DYNC2I1: variants seen among roughly 807,000 people sequenced by gnomAD.
DYNC2I1 encodes cytoplasmic dynein 2 intermediate chain 1.
A neutral mutation model predicts 133.4 loss-of-function variants in DYNC2I1; 89 were observed. That is an observed-to-expected ratio of 0.67 (90% CI 0.56 to 0.80). The LOEUF (loss-of-function observed/expected upper bound fraction) is 0.80. Ranked by LOEUF, DYNC2I1 falls within the 30% of genes least tolerant of loss-of-function variation. The probability of loss-of-function intolerance (pLI) is 0.00; values close to 1 mark genes in which losing one functional copy is unlikely to be tolerated. For synonymous variants in DYNC2I1, 504 were observed against 484.3 expected (o/e 1.04, Z -0.54); for missense variants, 1,291 against 1,314.5 (o/e 0.98, Z 0.28).
At chr7:158,891,199 C>T in intron 7 of DYNC2I1, 66 bp from the exon 8 acceptor site, 1 of 1,568,434 alleles carries the variant, frequency 6.4e-7, no homozygotes, top group Non-Finnish European at 8.8e-7. Context: ...TGGGGGGGAG[C>T]TGCGTGGCGT....
intron 3 of DYNC2I1, among the ~76,000 whole-genome samples, 162 bp downstream of exon 3, chr7:158,871,724 G>A (rs527354094): frequency 2.0e-5 from 3 of 152,134 alleles, no homozygotes; most frequent in South Asian, 4.2e-4. Context: ...AGGCTAGAGA[G>A]CAGTGGTGCC....
At chr7:158,936,252 T>G (rs1470752095) in intron 23 of DYNC2I1, among the ~76,000 whole-genome samples, 2 of 152,168 alleles carry the variant, frequency 1.3e-5, no homozygotes, top group Non-Finnish European at 2.9e-5. Flanking sequence ...AGTGTGGAGC[T>G]CTTGAGCTTT....
At chr7:158,930,553 G>C (rs1476567739) in intron 21 of DYNC2I1, 38 bp downstream of exon 21, 1 of 1,563,274 alleles carries the variant, frequency 6.4e-7, no homozygotes, top group Non-Finnish European at 8.8e-7. Context: ...ATCTCACAAA[G>C]ACCTAGAAGG....
intron 4 of DYNC2I1, among the ~76,000 whole-genome samples, chr7:158,951,680 C>T (rs527710698): frequency 2.5e-4 from 38 of 152,286 alleles, no homozygotes; most frequent in Admixed American, 8.5e-4. Flanking sequence ...TGGTTCTTCC[C>T]GGGCTCCTCT....
intron 24 of DYNC2I1, among the ~76,000 whole-genome samples, chr7:158,942,994 GT>G (rs1851523743): frequency 6.6e-6 from 1 of 151,896 alleles, no homozygotes; most frequent in Non-Finnish European, 1.5e-5. Flanking sequence ...GTTCACCTGT[GT>G]TTTTTTTCTT....
chr7:158,856,957 G>A (rs958393014), intron 1 of DYNC2I1, among the ~76,000 whole-genome samples: 7 of 152,044 alleles, frequency 4.6e-5, no homozygotes, highest in Admixed American at 4.6e-4. Context: ...AGGACGCCGG[G>A]CTCCCGGCGG....
At chr7:158,884,480 C>A in intron 5 of DYNC2I1, 84 bp from the exon 6 acceptor site, 1 of 1,305,132 alleles carries the variant, frequency 7.7e-7, no homozygotes, top group Non-Finnish European at 1.1e-6. Flanking sequence ...TGAATCTGTG[C>A]TTGTTTTGTG....
chr7:158,892,571 A>G (rs1845336693), intron 8 of DYNC2I1, among the ~76,000 whole-genome samples: 1 of 152,052 alleles, frequency 6.6e-6, no homozygotes, highest in African/African-American at 2.4e-5. Flanking sequence ...CCTTTTGAGT[A>G]GTTGGGATCA....
In DYNC2I1 at chr7:158,887,013, CT is replaced by C. The variant is rs1488309170; in HGVS notation, c.936-5del. On this transcript the variant is annotated splice_region_variant and splice_polypyrimidine_tract_variant and intron_variant, in intron 6 of 24. Transcript: ENST00000407559. ...TAAGTTTTGATTTTGATTATGTTTG[CT>C]TTCCAGGCATGCTGAGAATTTAGTA... 6 of 1,613,364 alleles carry C rather than the reference CT, an allele frequency of 3.7e-6. No homozygotes were observed. In the African/African-American group the frequency reaches 8.0e-5, roughly 22 times the overall value.
At chr7:158,917,287 G>A (rs911631228) in intron 14 of DYNC2I1, among the ~76,000 whole-genome samples, 2 of 120,698 alleles carry the variant, frequency 1.7e-5, no homozygotes, top group African/African-American at 3.1e-5. Flanking sequence ...CGACATGCTG[G>A]TTGAAATTAA....
At chr7:158,860,984 A>T (rs1392342221) in intron 1 of DYNC2I1, among the ~76,000 whole-genome samples, 1 of 152,208 alleles carries the variant, frequency 6.6e-6, no homozygotes, top group Non-Finnish European at 1.5e-5. Context: ...TGAACTCTCC[A>T]TTCAAAGCCC....
chr7:158,902,684 C>G (rs1846367715), intron 10 of DYNC2I1, 89 bp downstream of exon 10: 3 of 1,209,510 alleles, frequency 2.5e-6, no homozygotes, highest in Non-Finnish European at 3.5e-6. Flanking sequence ...CAGGCCTACT[C>G]TAATAAGGTG....
At chr7:158,868,816 A>G (rs1405999363) in intron 1 of DYNC2I1, among the ~76,000 whole-genome samples, 1 of 152,220 alleles carries the variant, frequency 6.6e-6, no homozygotes, top group East Asian at 1.9e-4. Context: ...GAGCCTTGTG[A>G]TGCCTCACTG....
In DYNC2I1 at chr7:158,928,966, T is replaced by C. The variant is rs532390311; in HGVS notation, c.2486-1489T>C. ...CCATAGTCAGGTGATAATCCGGCTA[T>C]GGAGACAAAATCATTTTGCATAAAA... On this transcript the variant is annotated intron_variant, in intron 20 of 24. Transcript: ENST00000407559. Among the ~76,000 whole-genome samples the C allele has an allele frequency of 3.3e-5, 5 of 152,318 alleles. No individual in the cohort carries two copies. The South Asian group carries it at 1.0e-3, about 32-fold the overall frequency.
the DYNC2I1 span, among the ~76,000 whole-genome samples, chr7:158,844,573 A>C: frequency 6.6e-6 from 1 of 152,176 alleles, no homozygotes; most frequent in South Asian, 2.1e-4. Context: ...GTAAAGGAAG[A>C]ATCAATTATG....
At chr7:158,839,981 G>GA in the DYNC2I1 span, among the ~76,000 whole-genome samples, 8,816 of 148,724 alleles carry the variant, frequency 0.059, 302 homozygotes, top group South Asian at 0.095. Flanking sequence ...CCGGCTAATT[G>GA]AAAAAAAAAA....
At chr7:158,922,642 G>GC (rs1210098446) in intron 16 of DYNC2I1, 93 bp downstream of exon 16, 1 of 1,291,558 alleles carries the variant, frequency 7.7e-7, no homozygotes. Flanking sequence ...GGAGAGAGGT[G>GC]CAGGGACAGG....
At chr7:158,844,912 T>A in the DYNC2I1 span, among the ~76,000 whole-genome samples, 1 of 152,236 alleles carries the variant, frequency 6.6e-6, no homozygotes, top group African/African-American at 2.4e-5. Context: ...TGAGCCACTG[T>A]GCCCAGTCTA....
intron 1 of DYNC2I1, among the ~76,000 whole-genome samples, chr7:158,869,045 A>G (rs1427197928): frequency 1.3e-5 from 2 of 152,216 alleles, no homozygotes; most frequent in Non-Finnish European, 2.9e-5. Context: ...AGCTCACAGC[A>G]GCAGGCTTAG....
Sources: gnomAD v4.1 joint callset for allele counts (sites outside exome capture counted in the v4.1 genomes callset) on GRCh38, gnomAD v4.1.1 for gene constraint, MANE v1.5 for transcripts, NCBI Gene and HGNC (gene_info 2026-07-23, HGNC 2026-07-21) for gene names.